Variants in SPAG9 observed in about 807,000 individuals in gnomAD.
The protein encoded by SPAG9 is sperm associated antigen 9.
SPAG9 carries 35 observed loss-of-function variants against 166.5 expected under a neutral mutation model. The observed-to-expected ratio is 0.21, with a 90% CI of 0.16 to 0.28. SPAG9 has a LOEUF of 0.28. SPAG9 is among the 10% of genes least tolerant of loss of function. The pLI, the probability that SPAG9 is intolerant of heterozygous loss-of-function variation, is 1.00. For missense variants in SPAG9, 1,235 were observed against 1,603.3 expected, an observed-to-expected ratio of 0.77 and a Z score of 3.92; for synonymous variants, 534 against 565.5, an observed-to-expected ratio of 0.94 and a Z score of 0.79.
At chr17:51,046,611 G>T (rs561266951) in intron 4 of SPAG9, 4 of 1,535,876 alleles carry the variant, frequency 2.6e-6, no homozygotes, top group Non-Finnish European at 3.5e-6. Flanking sequence ...AATGACCACC[G>T]CCCCGCCAAC....
At chr17:51,083,901 C>T (rs2048238367) in intron 1 of SPAG9, among the ~76,000 whole-genome samples, 1 of 152,072 alleles carries the variant, frequency 6.6e-6, no homozygotes, top group African/African-American at 2.4e-5. Flanking sequence ...CACTGTAGTT[C>T]CTTCCACAAA....
intron 14 of SPAG9, among the ~76,000 whole-genome samples, chr17:50,999,003 G>A (rs1222280246): frequency 6.6e-6 from 1 of 152,202 alleles, no homozygotes; most frequent in Non-Finnish European, 1.5e-5. Context: ...TGATGTGAAT[G>A]GAAGCTTAGT....
At chr17:51,096,676 T>C (rs528370206) in intron 1 of SPAG9, among the ~76,000 whole-genome samples, 7 of 152,286 alleles carry the variant, frequency 4.6e-5, no homozygotes, top group African/African-American at 1.7e-4. Flanking sequence ...GATAGTGGTA[T>C]ATTCATGTCA....
chr17:51,061,007 C>A (rs779572618), intron 2 of SPAG9, among the ~76,000 whole-genome samples: 15 of 151,674 alleles, frequency 9.9e-5, no homozygotes, highest in Non-Finnish European at 1.9e-4. Flanking sequence ...ACCACCACAT[C>A]CAGCTAATTT....
chr17:51,001,868 T>C (rs746456496), intron 12 of SPAG9, 23 bp from the exon 13 acceptor site: 3 of 1,605,578 alleles, frequency 1.9e-6, no homozygotes, highest in African/African-American at 2.7e-5. Context: ...GAAAATGACA[T>C]ATCATTCTGG....
At chr17:51,007,206 G>C in intron 10 of SPAG9, 63 bp downstream of exon 10, 1 of 933,564 alleles carries the variant, frequency 1.1e-6, no homozygotes, top group Non-Finnish European at 1.7e-6. Flanking sequence ...AAACGATGAA[G>C]TGTCATTGAC....
At chr17:51,035,728 G>A (rs1009423157) in intron 5 of SPAG9, among the ~76,000 whole-genome samples, 1 of 152,176 alleles carries the variant, frequency 6.6e-6, no homozygotes, top group East Asian at 1.9e-4. Context: ...GATTTTATGA[G>A]AACTCTCTAA....
intron 1 of SPAG9, among the ~76,000 whole-genome samples, chr17:51,098,725 C>T (rs1305578433): frequency 6.6e-6 from 1 of 151,940 alleles, no homozygotes; most frequent in Non-Finnish European, 1.5e-5. Context: ...CTTCTGACCT[C>T]AGGTGATCCG....
At chr17:51,077,164 G>A (rs964583043) in intron 2 of SPAG9, among the ~76,000 whole-genome samples, 1 of 150,940 alleles carries the variant, frequency 6.6e-6, no homozygotes, top group Non-Finnish European at 1.5e-5. Flanking sequence ...CACTCTTGTT[G>A]CCCAGGCCAA....
intron 2 of SPAG9, among the ~76,000 whole-genome samples, chr17:51,058,493 G>T (rs548384746): frequency 7.0e-4 from 106 of 152,288 alleles, no homozygotes; most frequent in African/African-American, 2.5e-3. Context: ...CAGAATCTGT[G>T]TTCTTAATTA....
intron 2 of SPAG9, among the ~76,000 whole-genome samples, chr17:51,073,339 A>G (rs1291192320): frequency 6.6e-6 from 1 of 151,692 alleles, no homozygotes; most frequent in African/African-American, 2.4e-5. Context: ...AAAAAAAAAC[A>G]ATTAGCCACG....
chr17:51,106,460 C>T (rs1021281946), intron 1 of SPAG9, among the ~76,000 whole-genome samples: 4 of 152,162 alleles, frequency 2.6e-5, no homozygotes, highest in African/African-American at 9.7e-5. Context: ...AGGCTACCTT[C>T]CTTGTCTGTT....
At chr17:51,006,625 C>T (rs956496754) in intron 10 of SPAG9, among the ~76,000 whole-genome samples, 76 of 152,166 alleles carry the variant, frequency 5.0e-4, no homozygotes, top group African/African-American at 1.6e-3. Context: ...AGACAGTCTA[C>T]GCTGAAGAAA....
At chr17:51,107,046 G>A (rs903782948) in intron 1 of SPAG9, among the ~76,000 whole-genome samples, 5 of 150,570 alleles carry the variant, frequency 3.3e-5, no homozygotes, top group African/African-American at 7.3e-5. Flanking sequence ...AGGTTGCAGC[G>A]AGCCAAGATC....
At chr17:51,079,428 G>A (rs2048103433) in intron 2 of SPAG9, among the ~76,000 whole-genome samples, 156 bp downstream of exon 2, 2 of 152,006 alleles carry the variant, frequency 1.3e-5, no homozygotes, top group Admixed American at 6.6e-5. Context: ...TAGTAGAGAC[G>A]AGGTTTCACC....
At chr17:51,118,126 T>C (rs1336292355) in intron 1 of SPAG9, among the ~76,000 whole-genome samples, 5 of 149,330 alleles carry the variant, frequency 3.3e-5, no homozygotes, top group Non-Finnish European at 1.5e-5. Flanking sequence ...AGAGAGAGAC[T>C]CTGTCTCAAA....
intron 1 of SPAG9, among the ~76,000 whole-genome samples, chr17:51,104,179 G>C (rs928747934): frequency 6.6e-6 from 1 of 152,118 alleles, no homozygotes; most frequent in African/African-American, 2.4e-5. Context: ...CACGCTGGGA[G>C]ATATTCACAC....
intron 1 of SPAG9, among the ~76,000 whole-genome samples, chr17:51,107,456 TAGTC>T (rs979764661): frequency 6.7e-6 from 1 of 150,342 alleles, no homozygotes; most frequent in African/African-American, 2.5e-5. Context: ...AGGGCAATAA[TAGTC>T]AGACACGGTG....
intron 3 of SPAG9, among the ~76,000 whole-genome samples, chr17:51,054,676 T>A (rs2047310232): frequency 6.6e-6 from 1 of 151,822 alleles, no homozygotes; most frequent in Non-Finnish European, 1.5e-5. Flanking sequence ...CACCTCATGA[T>A]CCACCCACCT....
Sources: allele counts gnomAD v4.1 joint callset (sites outside exome capture counted in the v4.1 genomes callset), GRCh38; gene constraint gnomAD v4.1.1; transcripts MANE v1.5; gene names NCBI Gene and HGNC (gene_info 2026-07-23, HGNC 2026-07-21).